Variants in SIDT1 observed in about 807,000 individuals in gnomAD.
SIDT1 encodes SID1 transmembrane family member 1.
In SIDT1, 101 loss-of-function variants were observed where a neutral mutation model predicts 107.5. The ratio of observed to expected loss-of-function variants is 0.94; its 90% CI spans 0.80 to 1.11. The LOEUF is 1.11. SIDT1 is among the 50% of genes least tolerant of loss of function. The pLI, the probability that SIDT1 is intolerant of heterozygous loss-of-function variation, is 0.00. For synonymous variants in SIDT1, 395 were observed against 398.2 expected, an observed-to-expected ratio of 0.99 and a Z score of 0.10; for missense variants, 1,076 against 1,058.2, an observed-to-expected ratio of 1.02 and a Z score of -0.23.
Position 113,612,077 on chromosome 3 carries a change from T to C in SIDT1, c.1858-9T>C, listed in dbSNP as rs1471281174. The C allele has an allele frequency of 1.2e-6, 2 of 1,607,738 alleles. No individual in the cohort carries two copies. The highest frequency in any genetic ancestry group is 1.7e-6 in the Non-Finnish European group (2 of 1,174,378). ...CTCAGATGAAGGTAACTTCCATCTT[T>C]ACTCCTAGGTGTTTGGAAAAAATGA... is the stretch of plus-strand genomic sequence containing the variant. On this transcript the variant is annotated splice_polypyrimidine_tract_variant and intron_variant, in intron 18 of 24. Coordinates refer to ENST00000264852, the MANE Select transcript of SIDT1 (RefSeq NM_017699.3).
chr3:113,566,010 C>T (rs529832899), intron 1 of SIDT1, among the ~76,000 whole-genome samples: 14 of 152,198 alleles, frequency 9.2e-5, no homozygotes, highest in African/African-American at 3.4e-4. Context: ...CATCCGTATC[C>T]TTCTTTTTCT....
At chr3:113,592,010 A>G (rs1187544453) in intron 9 of SIDT1, among the ~76,000 whole-genome samples, 1 of 152,230 alleles carries the variant, frequency 6.6e-6, no homozygotes, top group African/African-American at 2.4e-5. Flanking sequence ...AACCTTGAAA[A>G]CGTTACACTA....
At chr3:113,568,601 AAAAAGAAAAG>A (rs202138300) in intron 3 of SIDT1, among the ~76,000 whole-genome samples, 99 of 144,446 alleles carry the variant, frequency 6.9e-4, no homozygotes, top group African/African-American at 1.5e-3. Context: ...CTCAAAAAAA[AAAAAGAAAAG>A]AAAAGAAAAG....
At position 113,593,026 on chromosome 3, in the gene SIDT1, T is replaced by C. The variant is rs142833583; in HGVS notation, c.1023T>C (p.Asp341=). Residue 341 remains aspartate, a synonymous_variant, in exon 10 of 25, where the codon GAT becomes GAC. Transcript: ENST00000264852. Reference sequence around the variant, plus strand: ...GCAGGTTTCAGAGAAAATCCATTGATGGAAGCTTTGGGTCCAATGATGGTA... The same window carrying C: ...GCAGGTTTCAGAGAAAATCCATTGACGGAAGCTTTGGGTCCAATGATGGTA... ...HYLRFQRKSI[D]GSFGSNDGSG... is the part of the protein sequence containing the mutation. 350 of 1,613,844 alleles carry C rather than the reference T, an allele frequency of 2.2e-4. 2 individuals are homozygous for C. The highest frequency in any genetic ancestry group is 1.0e-3 in the South Asian group (95 of 91,086).
intron 2 of SIDT1, 127 bp from the exon 3 acceptor site, chr3:113,567,413 T>C (rs1471828572): frequency 6.9e-6 from 5 of 722,548 alleles, no homozygotes; most frequent in Non-Finnish European, 1.1e-5. Context: ...CAGTCTAAAA[T>C]TCAAAACATA....
intron 3 of SIDT1, among the ~76,000 whole-genome samples, chr3:113,575,978 G>A (rs922776607): frequency 2.0e-5 from 3 of 152,212 alleles, no homozygotes; most frequent in African/African-American, 7.2e-5. Context: ...TGAGACTGCT[G>A]TGGACTTGTG....
chr3:113,544,392 A>G (rs987982533), intron 1 of SIDT1, among the ~76,000 whole-genome samples: 1 of 152,044 alleles, frequency 6.6e-6, no homozygotes. Context: ...GGGTTTCACC[A>G]TATTGGCCAG....
At chr3:113,568,272 C>CA (rs1942104621) in intron 3 of SIDT1, among the ~76,000 whole-genome samples, 1 of 151,770 alleles carries the variant, frequency 6.6e-6, no homozygotes, top group Non-Finnish European at 1.5e-5. Context: ...CCCAAATAGT[C>CA]AAAAAAACAC....
Position 113,611,024 on chromosome 3 carries a change from C to T in SIDT1, c.1737C>T (p.Tyr579=). 2.5e-6 allele frequency: 4 copies of T among 1,613,956 alleles called. No homozygotes were observed. Among genetic ancestry groups the T allele is most frequent in the Non-Finnish European group, 3.4e-6 (4 of 1,179,896 alleles). ...GGTCCTCAGACACCTCCTTCATGTA[C>T]ATGATCGCTGGCCTGTGCATGCTGA... The part of the protein sequence containing the change: ...SNFQFDTSFM[Y]MIAGLCMLKL... The change falls in exon 18 of 25, where the codon TAC becomes TAT. Residue 579 remains tyrosine, a synonymous_variant. Coordinates refer to ENST00000264852, the MANE Select transcript of SIDT1 (RefSeq NM_017699.3).
At chr3:113,587,910 C>T (rs1440378624) in intron 9 of SIDT1, among the ~76,000 whole-genome samples, 1 of 152,190 alleles carries the variant, frequency 6.6e-6, no homozygotes, top group African/African-American at 2.4e-5. Context: ...CCTGGCACCC[C>T]AGCAAGGATC....
At chr3:113,584,162 C>T (rs1943569460) in intron 7 of SIDT1, among the ~76,000 whole-genome samples, 2 of 152,166 alleles carry the variant, frequency 1.3e-5, no homozygotes, top group Non-Finnish European at 2.9e-5. Flanking sequence ...TTGAGTGTAA[C>T]ATCATTTCCT....
Position 113,532,739 on chromosome 3 carries a change from G to A in SIDT1, c.-283G>A. 2.8e-6 allele frequency: 1 copy of A among 352,702 alleles called. No individual in the cohort carries two copies. The highest frequency in any genetic ancestry group is 4.7e-5 in the Admixed American group (1 of 21,144). The allele number at this position is 352,702 out of a possible 1,614,324, so 21.8% of individuals were successfully genotyped here. Reference sequence around the variant, plus strand: ...GGGATTCTCGGCGATGAGAAACGGGGGACTTAGAAGCCGGAGGAAAATCAG... The same window carrying A: ...GGGATTCTCGGCGATGAGAAACGGGAGACTTAGAAGCCGGAGGAAAATCAG... On this transcript the variant is annotated 5_prime_UTR_variant, in exon 1 of 25. Transcript: ENST00000264852.
At chr3:113,601,344 C>A in intron 10 of SIDT1, 1 of 366,200 alleles carries the variant, frequency 2.7e-6, no homozygotes, top group South Asian at 7.7e-5. Context: ...AAACATTATT[C>A]TTCTTTGGAT....
chr3:113,566,437 G>A lies in SIDT1; in HGVS notation c.240G>A (p.Val80=). 1.2e-6 allele frequency: 2 copies of A among 1,614,106 alleles called. No homozygotes were observed. Among genetic ancestry groups the A allele is most frequent in the Non-Finnish European group, 1.7e-6 (2 of 1,180,022 alleles). The change falls in exon 2 of 25, where the codon GTG becomes GTA. Residue 80 remains valine, a synonymous_variant. Coordinates refer to ENST00000264852, the MANE Select transcript of SIDT1 (RefSeq NM_017699.3). The part of the protein sequence containing the change: ...SQPDQVTAVR[V]YVNSSSENLN... ...CCATGCAGGTGACAGCCGTGAGGGT[G>A]TATGTGAACAGTTCCTCTGAGAATC...
At chr3:113,558,003 T>C (rs1941056763) in intron 1 of SIDT1, among the ~76,000 whole-genome samples, 1 of 152,168 alleles carries the variant, frequency 6.6e-6, no homozygotes, top group Non-Finnish European at 1.5e-5. Flanking sequence ...TCTTGAAATA[T>C]AGTTTCCATT....
At chr3:113,550,899 T>C (rs1012839742) in intron 1 of SIDT1, among the ~76,000 whole-genome samples, 1 of 152,154 alleles carries the variant, frequency 6.6e-6, no homozygotes, top group Admixed American at 6.6e-5. Context: ...TTTTTCCTGA[T>C]CCTCTCTCTC....
chr3:113,611,208 C>A (rs1945713851), intron 18 of SIDT1, 64 bp downstream of exon 18: 2 of 1,570,770 alleles, frequency 1.3e-6, no homozygotes, highest in Admixed American at 3.6e-5. Context: ...AATAAACAAA[C>A]AACAATCAAG....
At chr3:113,539,960 C>T (rs570161255) in intron 1 of SIDT1, among the ~76,000 whole-genome samples, 38 of 150,808 alleles carry the variant, frequency 2.5e-4, no homozygotes, top group Middle Eastern at 3.4e-3. Context: ...GCCGAGATCA[C>T]GCCACTGCAC....
intron 21 of SIDT1, among the ~76,000 whole-genome samples, chr3:113,621,783 T>G (rs1306868716): frequency 2.0e-5 from 3 of 152,168 alleles, no homozygotes; most frequent in Non-Finnish European, 4.4e-5. Context: ...AAAAAGAGAT[T>G]AACAGAAGCA....
Sources: gnomAD v4.1 joint callset for allele counts (sites outside exome capture counted in the v4.1 genomes callset) on GRCh38, gnomAD v4.1.1 for gene constraint, MANE v1.5 for transcripts, NCBI Gene and HGNC (gene_info 2026-07-23, HGNC 2026-07-21) for gene names.